The following UBA6 variants were observed in gnomAD, a reference collection of about 807,000 sequenced individuals.
The protein encoded by UBA6 is ubiquitin-like modifier-activating enzyme 6.
UBA6 carries 87 observed loss-of-function variants against 148.3 expected under a neutral mutation model. The ratio of observed to expected loss-of-function variants is 0.59; its 90% CI spans 0.49 to 0.70. UBA6 has a LOEUF of 0.70. Among genes scored for constraint, UBA6 ranks in the 30% least tolerant of loss-of-function variants. The pLI, the probability that UBA6 is intolerant of heterozygous loss-of-function variation, is 0.00. For synonymous variants in UBA6, 376 were observed against 401.0 expected (o/e 0.94, Z 0.75); for missense variants, 1,186 against 1,241.2 (o/e 0.96, Z 0.67).
chr4:67,625,190 G>C lies in UBA6; in HGVS notation c.2519-3C>G. 6.2e-7 allele frequency: 1 copy of C among 1,600,200 alleles called. No individual in the cohort carries two copies. Among genetic ancestry groups the C allele is most frequent in the Non-Finnish European group, 8.5e-7 (1 of 1,173,358 alleles). ...AAGCACTGCCATCTGAAGGTCACCTGATTATACCAACCAGATAAACAAAGT... is the reference window on the plus strand; with the variant it reads ...AAGCACTGCCATCTGAAGGTCACCTCATTATACCAACCAGATAAACAAAGT... On this transcript the variant is annotated splice_region_variant and splice_polypyrimidine_tract_variant and intron_variant, in intron 28 of 32. Transcript: ENST00000322244.
At chr4:67,653,036 G>A (rs184389867) in intron 13 of UBA6, among the ~76,000 whole-genome samples, 57 of 152,332 alleles carry the variant, frequency 3.7e-4, no homozygotes, top group Non-Finnish European at 6.8e-4. Context: ...CTTGAACTGA[G>A]TGGAGCCCAC....
At chr4:67,682,385 T>A (rs918374547) in intron 2 of UBA6, among the ~76,000 whole-genome samples, 172 bp from the exon 3 acceptor site, 3 of 152,210 alleles carry the variant, frequency 2.0e-5, no homozygotes, top group African/African-American at 7.2e-5. Flanking sequence ...ATATGACATA[T>A]TTTGAAAAAT....
At position 67,623,083 on chromosome 4, in the gene UBA6, C is replaced by T. The variant is rs149813350; in HGVS notation, c.2928+52G>A. On this transcript the variant is annotated intron_variant, in intron 31 of 32. Transcript: ENST00000322244. ...AATAAAATTATAAATAAAAACAAAA[C>T]AGAAACCAGACATAAAGCTACTAAT... 25 of 1,459,850 alleles carry T rather than the reference C, an allele frequency of 1.7e-5. No homozygotes were observed. The East Asian group carries it at 5.5e-4, about 32-fold the overall frequency. 90.4% of individuals were successfully genotyped at this position (1,459,850 alleles called of 1,614,324 possible). A position where few individuals can be genotyped will look rare whatever the true frequency, so the allele number is the denominator to read the frequency against.
chr4:67,636,166 G>A (rs182713153), intron 19 of UBA6, among the ~76,000 whole-genome samples: 2 of 152,104 alleles, frequency 1.3e-5, no homozygotes, highest in East Asian at 3.9e-4. Context: ...ATCATATGTT[G>A]GGCACTGAGG....
At chr4:67,621,191 A>G (rs1435847253) in intron 32 of UBA6, among the ~76,000 whole-genome samples, 1 of 152,222 alleles carries the variant, frequency 6.6e-6, no homozygotes, top group African/African-American at 2.4e-5. Context: ...ATACTGAGGG[A>G]TCCTAATGAA....
At chr4:67,699,949 C>G (rs1180680578) in intron 1 of UBA6, among the ~76,000 whole-genome samples, 3 of 152,138 alleles carry the variant, frequency 2.0e-5, no homozygotes, top group African/African-American at 7.2e-5. Context: ...ATCCCTAGTA[C>G]ACTTTCACTT....
intron 16 of UBA6, among the ~76,000 whole-genome samples, 194 bp from the exon 17 acceptor site, chr4:67,644,972 T>C (rs577798862): frequency 2.0e-5 from 3 of 152,200 alleles, no homozygotes; most frequent in African/African-American, 7.2e-5. Flanking sequence ...AATTTAAACA[T>C]TGAACTGCTT....
intron 9 of UBA6, among the ~76,000 whole-genome samples, chr4:67,665,499 T>A (rs970701796): frequency 6.7e-6 from 1 of 149,686 alleles, no homozygotes; most frequent in Non-Finnish European, 1.5e-5. Context: ...TTTTCCAATG[T>A]GAAACTCCAG....
chr4:67,634,575 T>G, intron 20 of UBA6, 57 bp from the exon 21 acceptor site: 1 of 1,271,472 alleles, frequency 7.9e-7, no homozygotes, highest in Non-Finnish European at 1.1e-6. Flanking sequence ...CAATTTTTAT[T>G]GATTTAATCT....
intron 6 of UBA6, among the ~76,000 whole-genome samples, chr4:67,674,260 G>A (rs1236494018): frequency 6.6e-6 from 1 of 152,110 alleles, no homozygotes; most frequent in Non-Finnish European, 1.5e-5. Flanking sequence ...CCTGTAGGGA[G>A]ACATTCCTCC....
intron 2 of UBA6, among the ~76,000 whole-genome samples, chr4:67,685,291 T>G (rs1730531115): frequency 6.6e-6 from 1 of 152,234 alleles, no homozygotes; most frequent in Admixed American, 6.5e-5. Flanking sequence ...TAAATGATCT[T>G]TCTGAAACAG....
intron 2 of UBA6, among the ~76,000 whole-genome samples, chr4:67,695,888 A>G (rs1730820253): frequency 6.6e-6 from 1 of 152,166 alleles, no homozygotes; most frequent in Non-Finnish European, 1.5e-5. Flanking sequence ...TTGACTCTGC[A>G]TCTTTTTCTT....
Position 67,673,709 on chromosome 4 carries a change from GCA to G in UBA6, c.532_533del (p.Cys178ProfsTer4). ...ATGATACAATTACCTTAATTGGAGG[GCA>G]CTGAGAACGGCAAAAGTCATTGATC... is the stretch of plus-strand genomic sequence containing the variant. Reference protein sequence around the residue: ...KKINDFCRSQCPPIKFISADV... With the variant: ...KKINDFCRSQXPPIKFISADV... On this transcript the variant is annotated frameshift_variant, in exon 7 of 33. Transcript: ENST00000322244. LOFTEE classifies it high-confidence loss of function. The G allele has an allele frequency of 6.2e-7, 1 of 1,608,954 alleles. No homozygotes were observed. Among genetic ancestry groups the G allele is most frequent in the Non-Finnish European group, 8.5e-7 (1 of 1,176,204 alleles).
Position 67,625,067 on chromosome 4 carries a change from C to T in UBA6, c.2639G>A (p.Arg880His), listed in dbSNP as rs199591856. ...AKMYSIEPADRFKTKRIAGKI... is the reference protein window; with the variant it reads ...AKMYSIEPADHFKTKRIAGKI... Reference sequence around the variant, plus strand: ...ACCAGCTATGCGCTTTGTTTTGAAACGGTCAGCTGGTTCAATGCTGTACAT... The same window carrying T: ...ACCAGCTATGCGCTTTGTTTTGAAATGGTCAGCTGGTTCAATGCTGTACAT... The change falls in exon 29 of 33, where the codon CGT becomes CAT. Residue 880 changes from arginine to histidine, a missense_variant. Arg to His is a conservative substitution (Grantham distance 29, BLOSUM62 0). Transcript: ENST00000322244. The T allele has an allele frequency of 4.9e-4, 797 of 1,613,212 alleles. 1 individual carries two copies. Among genetic ancestry groups the T allele is most frequent in the Non-Finnish European group, 6.2e-4 (732 of 1,179,380 alleles).
chr4:67,664,504 T>C (rs1360384082), intron 10 of UBA6, among the ~76,000 whole-genome samples: 1 of 151,984 alleles, frequency 6.6e-6, no homozygotes, highest in Non-Finnish European at 1.5e-5. Context: ...TTAATAGTTC[T>C]GGAAAAGAAA....
At chr4:67,679,600 T>A (rs1329316491) in intron 4 of UBA6, among the ~76,000 whole-genome samples, 1 of 152,028 alleles carries the variant, frequency 6.6e-6, no homozygotes. Context: ...TTGGAATTGG[T>A]ATTCTGAAAC....
chr4:67,674,629 G>C (rs1419314013), intron 6 of UBA6, among the ~76,000 whole-genome samples: 2 of 152,068 alleles, frequency 1.3e-5, no homozygotes, highest in Non-Finnish European at 2.9e-5. Context: ...CATATTTCCT[G>C]CATCTGTGAA....
chr4:67,661,247 G>T (rs1321982490), intron 13 of UBA6, among the ~76,000 whole-genome samples: 5 of 152,068 alleles, frequency 3.3e-5, no homozygotes, highest in Non-Finnish European at 5.9e-5. Context: ...TGAGATTCAG[G>T]GGGTACCAGG....
intron 2 of UBA6, among the ~76,000 whole-genome samples, chr4:67,686,165 C>A (rs1730553256): frequency 6.6e-6 from 1 of 152,140 alleles, no homozygotes; most frequent in Admixed American, 6.5e-5. Flanking sequence ...TATGAAAGAA[C>A]AACATCTCCC....
Sources: allele counts gnomAD v4.1 joint callset (sites outside exome capture counted in the v4.1 genomes callset), GRCh38; gene constraint gnomAD v4.1.1; transcripts MANE v1.5; gene names NCBI Gene and HGNC (gene_info 2026-07-23, HGNC 2026-07-21).